Variants in TRIO observed in about 807,000 individuals in gnomAD.
TRIO encodes the protein triple functional domain protein.
TRIO carries 58 observed loss-of-function variants against 351.9 expected under a neutral mutation model. That is an observed-to-expected ratio of 0.16 (90% CI 0.13 to 0.21). TRIO has a LOEUF of 0.21. Among genes scored for constraint, TRIO ranks in the 10% least tolerant of loss-of-function variants. TRIO has a pLI of 1.00. For synonymous variants in TRIO, 1,758 were observed against 1,595.7 expected (o/e 1.10, Z -2.42); for missense variants, 3,201 against 4,027.8 (o/e 0.79, Z 5.56).
intron 29 of TRIO, 116 bp downstream of exon 29, chr5:14,397,270 G>A (rs1747686962): frequency 3.9e-6 from 3 of 763,030 alleles, no homozygotes; most frequent in Non-Finnish European, 6.3e-6. Context: ...TAGTGGTTAA[G>A]AACATTTCTT....
chr5:14,213,345 T>C (rs1792029724), intron 1 of TRIO, among the ~76,000 whole-genome samples: 1 of 148,998 alleles, frequency 6.7e-6, no homozygotes. Flanking sequence ...TATTAATACA[T>C]AAATATATAA....
chr5:14,239,182 A>G (rs375629563), intron 1 of TRIO, among the ~76,000 whole-genome samples: 2 of 152,312 alleles, frequency 1.3e-5, no homozygotes, highest in East Asian at 1.9e-4. Context: ...TATAAGTGGT[A>G]TTCTGACCTG....
chr5:14,381,900 A>G (rs1245042212), intron 21 of TRIO, among the ~76,000 whole-genome samples: 1 of 152,232 alleles, frequency 6.6e-6, no homozygotes, highest in African/African-American at 2.4e-5. Flanking sequence ...GGAAAAATAT[A>G]AGAATCTGCA....
chr5:14,299,429 G>A (rs1171360189), intron 7 of TRIO, among the ~76,000 whole-genome samples: 3 of 152,098 alleles, frequency 2.0e-5, no homozygotes, highest in African/African-American at 7.2e-5. Flanking sequence ...AGACCTTAAC[G>A]AAGCAACAAG....
At chr5:14,376,422 C>T (rs1745563327) in intron 19 of TRIO, among the ~76,000 whole-genome samples, 1 of 152,146 alleles carries the variant, frequency 6.6e-6, no homozygotes, top group Non-Finnish European at 1.5e-5. Flanking sequence ...TTTGTGCAAC[C>T]TGTCTGTGCA....
chr5:14,315,290 G>A (rs1176013850), intron 8 of TRIO, among the ~76,000 whole-genome samples: 4 of 143,356 alleles, frequency 2.8e-5, no homozygotes, highest in South Asian at 4.4e-4. Flanking sequence ...TCACTCTGTC[G>A]CCCAGGCTGG....
At chr5:14,397,005 T>A in intron 28 of TRIO, 38 bp from the exon 29 acceptor site, 15 of 1,548,846 alleles carry the variant, frequency 9.7e-6, no homozygotes, top group Non-Finnish European at 1.3e-5. Context: ...CAGAGCATTC[T>A]GCAGTCTTTA....
intron 8 of TRIO, among the ~76,000 whole-genome samples, chr5:14,310,598 C>A (rs552860901): frequency 5.9e-5 from 9 of 152,198 alleles, no homozygotes; most frequent in Non-Finnish European, 1.3e-4. Context: ...AAACACACAG[C>A]AAAATGAGTC....
intron 45 of TRIO, 118 bp downstream of exon 45, chr5:14,481,736 C>T (rs1755533080): frequency 4.2e-6 from 3 of 722,722 alleles, no homozygotes; most frequent in Middle Eastern, 2.6e-4. Flanking sequence ...TCTGGCTTCT[C>T]TCACTTTACC....
At position 14,316,619 on chromosome 5, in the gene TRIO, A is replaced by T. The variant is rs2152305881; in HGVS notation, c.1607A>T (p.His536Leu). The part of the protein sequence containing the change: ...ASANYSKAVH[H>L]VLDVIHEVLH... ...GCCAACTACTCCAAGGCCGTGCACC[A>T]TGTCCTGGATGTCATCCACGAGGTG... The change falls in exon 9 of 57, where the codon CAT becomes CTT. Residue 536 changes from histidine (H) to leucine (L), a missense_variant. Transcript: ENST00000344204. The T allele has an allele frequency of 6.2e-7, 1 of 1,614,206 alleles. No homozygotes were observed. The highest frequency in any genetic ancestry group is 8.5e-7 in the Non-Finnish European group (1 of 1,180,036).
intron 8 of TRIO, among the ~76,000 whole-genome samples, chr5:14,310,027 C>A (rs1042164224): frequency 2.0e-5 from 3 of 152,222 alleles, no homozygotes; most frequent in Admixed American, 2.0e-4. Context: ...CGTGTCACTC[C>A]TGTTTGTGCT....
At position 14,238,448 on chromosome 5, in the gene TRIO, G is replaced by A. The variant is rs369099454; in HGVS notation, c.158-32377G>A. On this transcript the variant is annotated intron_variant, in intron 1 of 56. Coordinates refer to ENST00000344204, the MANE Select transcript of TRIO (RefSeq NM_007118.4). The stretch of plus-strand genomic sequence containing the variant: ...GTCCCATCTTTGTGCCAGAGCATTC[G>A]CAGCCTCCAGGGCTCCACCAGCCCA... Among the ~76,000 whole-genome samples, 83 of 152,228 alleles carry A rather than the reference G, an allele frequency of 5.5e-4. No individual in the cohort carries two copies. The East Asian group carries it at 0.013, about 24-fold the overall frequency.
intron 11 of TRIO, among the ~76,000 whole-genome samples, chr5:14,338,843 A>G (rs1471903733): frequency 6.6e-6 from 1 of 152,166 alleles, no homozygotes; most frequent in Non-Finnish European, 1.5e-5. Context: ...CATCTGTGGC[A>G]TGTTCCAGAG....
chr5:14,222,419 T>G (rs941288084), intron 1 of TRIO, among the ~76,000 whole-genome samples: 6 of 152,166 alleles, frequency 3.9e-5, no homozygotes, highest in Admixed American at 3.3e-4. Flanking sequence ...ACCCAGTAGG[T>G]TAGATGATGT....
In TRIO at chr5:14,509,119, C is replaced by T. The variant is rs957256402; in HGVS notation, c.*697C>T. On this transcript the variant is annotated 3_prime_UTR_variant, in exon 57 of 57. Coordinates refer to ENST00000344204, the MANE Select transcript of TRIO (RefSeq NM_007118.4). ...TCTGGGGGTCCGAGGGTCTTCCCAT[C>T]ACATGAAGACATCAGGTTGGGTCCT... 2 of 199,664 alleles carry T rather than the reference C, an allele frequency of 1.0e-5. No homozygotes were observed. Among genetic ancestry groups the T allele is most frequent in the Non-Finnish European group, 2.0e-5 (2 of 98,520 alleles). The allele number at this position is 199,664 out of a possible 1,614,324, so 12.4% of individuals were successfully genotyped here. A position where few individuals can be genotyped will look rare whatever the true frequency, so the allele number is the denominator to read the frequency against.
intron 1 of TRIO, among the ~76,000 whole-genome samples, chr5:14,165,168 T>A (rs1017136639): frequency 5.9e-5 from 9 of 152,176 alleles, no homozygotes; most frequent in African/African-American, 2.2e-4. Flanking sequence ...TACGAGCAGA[T>A]TTGTTATGTG....
At chr5:14,340,917 G>A (rs1016934060) in intron 11 of TRIO, among the ~76,000 whole-genome samples, 7 of 152,170 alleles carry the variant, frequency 4.6e-5, no homozygotes, top group Non-Finnish European at 1.0e-4. Flanking sequence ...CAGCCCATTT[G>A]CCCCTCAAGC....
rs190816469 is a variant in TRIO at position 14,393,929 on chromosome 5, G to T, written c.4219-109G>T. 432 of 604,546 alleles carry T rather than the reference G, an allele frequency of 7.1e-4. 1 individual carries two copies. Among genetic ancestry groups the T allele is most frequent in the Non-Finnish European group, 2.5e-4 (89 of 358,886 alleles). The allele number at this position is 604,546 out of a possible 1,614,324, so 37.4% of individuals were successfully genotyped here. A position where few individuals can be genotyped will look rare whatever the true frequency, so the allele number is the denominator to read the frequency against. On this transcript the variant is annotated intron_variant, in intron 27 of 56. Coordinates refer to ENST00000344204, the MANE Select transcript of TRIO (RefSeq NM_007118.4). ...AAAGGAAACTTTATTATTTCAGCAT[G>T]ATTAAACAGTTGTCAGGTACAGTAT...
At chr5:14,265,259 G>C (rs1418718636) in intron 1 of TRIO, among the ~76,000 whole-genome samples, 1 of 151,974 alleles carries the variant, frequency 6.6e-6, no homozygotes, top group African/African-American at 2.4e-5. Context: ...AATCGCATCA[G>C]TTCATTTTGT....
Sources: allele counts gnomAD v4.1 joint callset (sites outside exome capture counted in the v4.1 genomes callset), GRCh38; gene constraint gnomAD v4.1.1; transcripts MANE v1.5; gene names NCBI Gene and HGNC (gene_info 2026-07-23, HGNC 2026-07-21).